The following TENM3 variants were observed in gnomAD, a reference collection of about 807,000 sequenced individuals.
The protein encoded by TENM3 is teneurin-3.
A neutral mutation model predicts 255.1 loss-of-function variants in TENM3; 63 were observed. The observed-to-expected ratio is 0.25, with a 90% CI of 0.20 to 0.30. The LOEUF (loss-of-function observed/expected upper bound fraction) is 0.30. Among genes scored for constraint, TENM3 ranks in the 10% least tolerant of loss-of-function variants. The probability of loss-of-function intolerance (pLI) is 1.00; values close to 1 mark genes in which losing one functional copy is unlikely to be tolerated. For missense variants in TENM3, 2,929 were observed against 3,461.1 expected, an observed-to-expected ratio of 0.85 and a Z score of 3.86; for synonymous variants, 1,306 against 1,322.3, an observed-to-expected ratio of 0.99 and a Z score of 0.27.
intron 1 of TENM3, among the ~76,000 whole-genome samples, chr4:182,321,801 C>T (rs1048990603): frequency 6.6e-6 from 1 of 151,574 alleles, no homozygotes; most frequent in African/African-American, 2.4e-5. Flanking sequence ...AAGAAGTAGC[C>T]GGATGTGGTG....
intron 3 of TENM3, among the ~76,000 whole-genome samples, chr4:182,417,193 G>C (rs1770447605): frequency 6.6e-6 from 1 of 151,766 alleles, no homozygotes; most frequent in Non-Finnish European, 1.5e-5. Flanking sequence ...AGCCAGGATG[G>C]TCTCGATCTC....
the TENM3 span, among the ~76,000 whole-genome samples, chr4:181,814,085 C>T: frequency 2.4e-3 from 366 of 152,246 alleles, no homozygotes; most frequent in Non-Finnish European, 3.5e-3. Context: ...AAGAACTCAT[C>T]CCATTAAAGG....
chr4:182,161,401 G>A (rs1579550786), intron 1 of TENM3, among the ~76,000 whole-genome samples: 2 of 87,902 alleles, frequency 2.3e-5, no homozygotes, highest in Admixed American at 1.4e-4. Flanking sequence ...GGGCGACAGA[G>A]CGAGACTCCG....
chr4:182,213,914 G>T (rs986232950), intron 1 of TENM3, among the ~76,000 whole-genome samples: 8 of 152,120 alleles, frequency 5.3e-5, no homozygotes, highest in African/African-American at 1.9e-4. Context: ...CCATTCTCCT[G>T]CCTCAGCCTC....
the TENM3 span, among the ~76,000 whole-genome samples, chr4:181,786,368 G>T: frequency 3.9e-5 from 6 of 152,110 alleles, no homozygotes; most frequent in Non-Finnish European, 7.4e-5. Flanking sequence ...CATGTGCACG[G>T]GAGTCATACA....
chr4:181,448,797 C>G, the TENM3 span, among the ~76,000 whole-genome samples: 1 of 152,132 alleles, frequency 6.6e-6, no homozygotes, highest in Non-Finnish European at 1.5e-5. Flanking sequence ...ATAAAGACTG[C>G]AGCTTCACGT....
At chr4:182,358,050 G>T (rs2150752305) in intron 3 of TENM3, among the ~76,000 whole-genome samples, 1 of 150,692 alleles carries the variant, frequency 6.6e-6, no homozygotes, top group South Asian at 2.1e-4. Context: ...TTATTTCTGA[G>T]GGCTCTGTTC....
At chr4:181,826,578 A>C in the TENM3 span, among the ~76,000 whole-genome samples, 1 of 152,238 alleles carries the variant, frequency 6.6e-6, no homozygotes, top group African/African-American at 2.4e-5. Flanking sequence ...GGCCATCAGC[A>C]AAGTGGCTAT....
the TENM3 span, among the ~76,000 whole-genome samples, chr4:181,565,775 TAATC>T: frequency 6.6e-6 from 1 of 152,230 alleles, no homozygotes; most frequent in Non-Finnish European, 1.5e-5. Flanking sequence ...AGATTGCAAT[TAATC>T]AATTTATTTT....
chr4:181,955,036 T>G, the TENM3 span, among the ~76,000 whole-genome samples: 1 of 152,222 alleles, frequency 6.6e-6, no homozygotes, highest in Non-Finnish European at 1.5e-5. Context: ...ATGGTTCTAT[T>G]TCTTAAATTG....
chr4:181,615,378 C>T, the TENM3 span, among the ~76,000 whole-genome samples: 1 of 152,124 alleles, frequency 6.6e-6, no homozygotes, highest in African/African-American at 2.4e-5. Context: ...GTCATGAAGT[C>T]TACTATCACT....
the TENM3 span, among the ~76,000 whole-genome samples, chr4:181,459,168 T>A: frequency 1.3e-5 from 2 of 151,952 alleles, no homozygotes; most frequent in African/African-American, 4.8e-5. Context: ...TTGAATATTT[T>A]TTCATGTGTT....
chr4:182,079,311 T>C, the TENM3 span, among the ~76,000 whole-genome samples: 1 of 152,022 alleles, frequency 6.6e-6, no homozygotes, highest in Non-Finnish European at 1.5e-5. Flanking sequence ...GGTCAGGAGA[T>C]CGAGACCATC....
the TENM3 span, among the ~76,000 whole-genome samples, chr4:181,778,906 G>A: frequency 3.0e-4 from 46 of 152,216 alleles, no homozygotes; most frequent in African/African-American, 1.0e-3. Context: ...TGAATATTAT[G>A]AAATGAGGAT....
chr4:181,757,019 A>G, the TENM3 span, among the ~76,000 whole-genome samples: 2 of 152,228 alleles, frequency 1.3e-5, no homozygotes, highest in African/African-American at 2.4e-5. Flanking sequence ...TGTGAAATCT[A>G]GTTCCAATTA....
chr4:182,196,154 G>A (rs1409509184), intron 1 of TENM3, among the ~76,000 whole-genome samples: 1 of 151,958 alleles, frequency 6.6e-6, no homozygotes, highest in Non-Finnish European at 1.5e-5. Context: ...TCATCCCCAC[G>A]CCATCCCCCG....
chr4:182,443,015 G>A (rs1772631221), intron 3 of TENM3, among the ~76,000 whole-genome samples: 1 of 152,000 alleles, frequency 6.6e-6, no homozygotes, highest in Non-Finnish European at 1.5e-5. Context: ...GAGCCACCGT[G>A]TCTGGCCTGA....
chr4:182,768,053 C>T (rs1250328267), intron 22 of TENM3, among the ~76,000 whole-genome samples: 1 of 152,144 alleles, frequency 6.6e-6, no homozygotes, highest in Non-Finnish European at 1.5e-5. Context: ...TTGAGTCGGG[C>T]CAGTTCAGGG....
chr4:182,489,826 C>G (rs1735107618), intron 3 of TENM3, among the ~76,000 whole-genome samples: 1 of 106,806 alleles, frequency 9.4e-6, no homozygotes, highest in Admixed American at 9.3e-5. Flanking sequence ...TCCCTCCCTC[C>G]CTTCCTTTCT....
Sources: gnomAD v4.1 joint callset for allele counts (sites outside exome capture counted in the v4.1 genomes callset) on GRCh38, gnomAD v4.1.1 for gene constraint, MANE v1.5 for transcripts, NCBI Gene and HGNC (gene_info 2026-07-23, HGNC 2026-07-21) for gene names.